The following RIT2 variants were observed in gnomAD, a reference collection of about 807,000 sequenced individuals.
The protein encoded by RIT2 is Ras like without CAAX 2, also known as GTP-binding protein Rit2.
A neutral mutation model predicts 23.7 loss-of-function variants in RIT2; 24 were observed. The observed-to-expected ratio is 1.01, with a 90% CI of 0.73 to 1.43. The LOEUF (loss-of-function observed/expected upper bound fraction) is 1.43. Ranked by LOEUF, RIT2 falls within the 40% of genes most tolerant of loss-of-function variation. The pLI, the probability that RIT2 is intolerant of heterozygous loss-of-function variation, is 0.00. For missense variants in RIT2, 236 were observed against 266.9 expected (o/e 0.88, Z 0.81); for synonymous variants, 107 against 91.1 (o/e 1.17, Z -0.99).
At chr18:43,087,148 A>G (rs1345588068) in intron 1 of RIT2, among the ~76,000 whole-genome samples, 1 of 152,026 alleles carries the variant, frequency 6.6e-6, no homozygotes, top group Non-Finnish European at 1.5e-5. Context: ...ATTCTGAGGT[A>G]TGAGAATCAC....
intron 4 of RIT2, among the ~76,000 whole-genome samples, chr18:42,837,153 C>CTTTTTTTTTTTTTTTCTT (rs1906631166): frequency 1.9e-5 from 1 of 51,682 alleles, no homozygotes; most frequent in African/African-American, 6.5e-5. Context: ...TTTTCTTTTT[C>CTTTTTTTTTTTTTTTCTT]TTTTTTTTTT....
chr18:42,881,892 C>T (rs1392225754), intron 4 of RIT2, among the ~76,000 whole-genome samples: 2 of 152,160 alleles, frequency 1.3e-5, no homozygotes, highest in African/African-American at 2.4e-5. Context: ...TTAATGAATG[C>T]CTGTGTTACA....
At chr18:43,045,479 T>C (rs1452397839) in intron 1 of RIT2, among the ~76,000 whole-genome samples, 2 of 152,200 alleles carry the variant, frequency 1.3e-5, no homozygotes, top group African/African-American at 4.8e-5. Flanking sequence ...CACCAACGTA[T>C]ACCCGGGGCT....
intron 3 of RIT2, among the ~76,000 whole-genome samples, chr18:42,966,715 A>T (rs1910232691): frequency 6.6e-6 from 1 of 152,244 alleles, no homozygotes; most frequent in South Asian, 2.1e-4. Flanking sequence ...AGGTCAGGGA[A>T]TGCCATGATT....
chr18:42,822,426 T>G (rs1380413671), intron 4 of RIT2, among the ~76,000 whole-genome samples: 3 of 152,170 alleles, frequency 2.0e-5, no homozygotes, highest in Admixed American at 1.3e-4. Context: ...TTGGCGACGG[T>G]TGATCATGGC....
At chr18:42,816,153 A>G (rs542762440) in intron 4 of RIT2, among the ~76,000 whole-genome samples, 2 of 152,128 alleles carry the variant, frequency 1.3e-5, no homozygotes, top group African/African-American at 2.4e-5. Flanking sequence ...AAAAAAAAAA[A>G]GTCTGATTTG....
intron 1 of RIT2, among the ~76,000 whole-genome samples, chr18:43,040,418 A>G (rs1442732649): frequency 6.6e-6 from 1 of 152,174 alleles, no homozygotes; most frequent in Non-Finnish European, 1.5e-5. Flanking sequence ...CACTTATGTC[A>G]AATGCAACAT....
At chr18:43,061,944 G>C (rs1215633333) in intron 1 of RIT2, among the ~76,000 whole-genome samples, 2 of 152,042 alleles carry the variant, frequency 1.3e-5, no homozygotes, top group South Asian at 2.1e-4. Flanking sequence ...GAGTAAAAGA[G>C]CTGTCATTCT....
At chr18:42,862,475 A>T (rs1235464949) in intron 4 of RIT2, among the ~76,000 whole-genome samples, 1 of 152,228 alleles carries the variant, frequency 6.6e-6, no homozygotes, top group East Asian at 1.9e-4. Flanking sequence ...CATCTGTAAT[A>T]TGATCCAGAG....
intron 3 of RIT2, among the ~76,000 whole-genome samples, chr18:42,964,062 G>A (rs966867574): frequency 1.3e-5 from 2 of 151,888 alleles, no homozygotes; most frequent in African/African-American, 4.8e-5. Flanking sequence ...GCGGTGATGT[G>A]CACCTGTAAT....
chr18:42,759,040 G>A (rs936356455), intron 4 of RIT2, among the ~76,000 whole-genome samples: 9 of 152,162 alleles, frequency 5.9e-5, no homozygotes, highest in Non-Finnish European at 1.2e-4. Flanking sequence ...AGCCTTCGTA[G>A]TAGCATGACT....
intron 2 of RIT2, among the ~76,000 whole-genome samples, chr18:42,976,983 ACT>A (rs913757772): frequency 6.6e-5 from 10 of 151,956 alleles, no homozygotes; most frequent in Non-Finnish European, 1.5e-4. Flanking sequence ...TAGAAGAGAA[ACT>A]CTCAGATTTC....
chr18:42,912,330 G>A (rs908089485), intron 4 of RIT2, among the ~76,000 whole-genome samples: 2 of 151,658 alleles, frequency 1.3e-5, no homozygotes, highest in African/African-American at 4.8e-5. Flanking sequence ...CATCATAATG[G>A]TGAAACATTG....
chr18:42,887,814 A>G (rs1185247977), intron 4 of RIT2, among the ~76,000 whole-genome samples: 1 of 148,636 alleles, frequency 6.7e-6, no homozygotes, highest in Non-Finnish European at 1.5e-5. Context: ...ACAATGGAAT[A>G]GTATTCAGCA....
intron 4 of RIT2, among the ~76,000 whole-genome samples, chr18:42,911,925 A>G (rs1908779442): frequency 6.6e-6 from 1 of 152,066 alleles, no homozygotes; most frequent in East Asian, 1.9e-4. Context: ...ATACTTCCTA[A>G]TTCATATTAT....
At chr18:43,027,057 C>T (rs1911749685) in intron 2 of RIT2, among the ~76,000 whole-genome samples, 1 of 151,916 alleles carries the variant, frequency 6.6e-6, no homozygotes, top group Non-Finnish European at 1.5e-5. Context: ...GGATGAAATC[C>T]AAGAGTGGTA....
At chr18:42,797,285 G>T (rs1042619744) in intron 4 of RIT2, among the ~76,000 whole-genome samples, 2 of 152,106 alleles carry the variant, frequency 1.3e-5, no homozygotes, top group Non-Finnish European at 2.9e-5. Context: ...GTTGTGAATT[G>T]TAGTACTGAA....
chr18:42,866,663 C>T (rs1391297388), intron 4 of RIT2, among the ~76,000 whole-genome samples: 1 of 151,236 alleles, frequency 6.6e-6, no homozygotes, highest in Non-Finnish European at 1.5e-5. Context: ...AAGAAAACAC[C>T]CCTTCTCCTA....
intron 1 of RIT2, among the ~76,000 whole-genome samples, chr18:43,075,309 T>C (rs1488860321): frequency 1.3e-5 from 2 of 152,142 alleles, no homozygotes; most frequent in African/African-American, 2.4e-5. Context: ...GATCTATATA[T>C]GATACTAGCA....
Sources: allele counts gnomAD v4.1 joint callset (sites outside exome capture counted in the v4.1 genomes callset), GRCh38; gene constraint gnomAD v4.1.1; transcripts MANE v1.5; gene names NCBI Gene and HGNC (gene_info 2026-07-23, HGNC 2026-07-21).